Variants in BTRC observed in about 807,000 individuals in gnomAD.
BTRC encodes F-box/WD repeat-containing protein 1A.
Under a neutral mutation model 85.5 loss-of-function variants are expected in BTRC, and 42 were observed. The ratio of observed to expected loss-of-function variants is 0.49; its 90% CI spans 0.38 to 0.64. The LOEUF (loss-of-function observed/expected upper bound fraction) is 0.64. Among genes scored for constraint, BTRC ranks in the 30% least tolerant of loss-of-function variants. The probability of loss-of-function intolerance (pLI) is 0.00; values close to 1 mark genes in which losing one functional copy is unlikely to be tolerated. For synonymous variants in BTRC, 255 were observed against 263.3 expected, an observed-to-expected ratio of 0.97 and a Z score of 0.30; for missense variants, 594 against 743.5, an observed-to-expected ratio of 0.80 and a Z score of 2.34.
upstream of BTRC, chr10:101,354,056 G>A (rs1465666858): frequency 5.2e-6 from 6 of 1,147,960 alleles, no homozygotes; most frequent in East Asian, 1.6e-4. Context: ...CCCTCAGCCT[G>A]CGCCTGAGAG....
At chr10:101,377,328 G>T (rs934093401) in intron 1 of BTRC, among the ~76,000 whole-genome samples, 1 of 152,192 alleles carries the variant, frequency 6.6e-6, no homozygotes, top group African/African-American at 2.4e-5. Context: ...TCTGGTTTTG[G>T]TGATTATAAA....
rs755481178 is a variant in BTRC, at chr10:101,549,713, CAAAAAA to C, written c.1657-968_1657-963del. Among the ~76,000 whole-genome samples the C allele has an allele frequency of 8.7e-4, 37 of 42,768 alleles. 2 individuals are homozygous for C. Among genetic ancestry groups the C allele is most frequent in the East Asian group, 3.8e-3 (3 of 792 alleles). 28.1% of individuals were successfully genotyped at this position (42,768 alleles called of 152,430 possible). A position where few individuals can be genotyped will look rare whatever the true frequency, so the allele number is the denominator to read the frequency against. On this transcript the variant is annotated intron_variant, in intron 13 of 14. Transcript: ENST00000370187. ...GGGGCGAAAGAGCGAGACTCTGTCTCAAAAAAAAAAAAAAAAAAAAAAAGATGATGA... is the reference window on the plus strand; with the variant it reads ...GGGGCGAAAGAGCGAGACTCTGTCTCAAAAAAAAAAAAAAAAAGATGATGA...
At position 101,556,868 on chromosome 10, in the gene BTRC, A is replaced by T. The variant is rs547416858; in HGVS notation, c.*3745A>T. ...GCACAGCTGGCGCTCTTAGCTCCTG[A>T]TTGGTTGTGTGTTTTATTAAGGATC... On this transcript the variant is annotated 3_prime_UTR_variant, in exon 15 of 15. Transcript: ENST00000370187. The T allele has an allele frequency of 3.3e-5, 5 of 152,314 alleles. 1 individual carries two copies. The South Asian group carries it at 8.3e-4, about 25-fold the overall frequency. The allele number at this position is 152,314 out of a possible 1,614,324, so 9.4% of individuals were successfully genotyped here.
intron 14 of BTRC, among the ~76,000 whole-genome samples, chr10:101,552,647 C>T (rs1047210746): frequency 6.6e-6 from 1 of 152,174 alleles, no homozygotes; most frequent in African/African-American, 2.4e-5. Context: ...AGCTGCCATC[C>T]ACACAGCTGT....
chr10:101,529,452 A>C (rs942920064), intron 6 of BTRC, among the ~76,000 whole-genome samples: 3 of 152,224 alleles, frequency 2.0e-5, no homozygotes, highest in Non-Finnish European at 2.9e-5. Context: ...GAGAAACAAT[A>C]AAGTAGTTAA....
chr10:101,473,503 A>G (rs1472681438), intron 3 of BTRC, among the ~76,000 whole-genome samples: 3 of 138,520 alleles, frequency 2.2e-5, no homozygotes, highest in East Asian at 2.1e-4. Context: ...CAGAATCTCA[A>G]TCTGTTGCCC....
intron 2 of BTRC, among the ~76,000 whole-genome samples, chr10:101,436,970 C>T (rs532432696): frequency 7.2e-5 from 11 of 152,162 alleles, no homozygotes; most frequent in African/African-American, 2.4e-4. Context: ...TATGGATTAT[C>T]GAATTGAATA....
At chr10:101,490,220 A>G (rs1272295705) in intron 4 of BTRC, among the ~76,000 whole-genome samples, 1 of 135,784 alleles carries the variant, frequency 7.4e-6, no homozygotes, top group African/African-American at 2.8e-5. Flanking sequence ...TCCCTCCCTC[A>G]CTCCCTCCTT....
At chr10:101,450,419 C>T (rs1944929948) in intron 2 of BTRC, among the ~76,000 whole-genome samples, 1 of 152,172 alleles carries the variant, frequency 6.6e-6, no homozygotes, top group Non-Finnish European at 1.5e-5. Context: ...ACTGCTCATT[C>T]ATGCCCTTGC....
intron 1 of BTRC, among the ~76,000 whole-genome samples, chr10:101,402,714 C>T (rs1220063355): frequency 3.3e-5 from 5 of 152,170 alleles, no homozygotes; most frequent in Admixed American, 6.5e-5. Flanking sequence ...ATTAAGTGAA[C>T]TTCTCAAAGT....
At chr10:101,385,615 C>CTTTTTTTTTTTTTTTTTTTTTTTTTTTTT (rs146804594) in intron 1 of BTRC, among the ~76,000 whole-genome samples, 17 of 48,890 alleles carry the variant, frequency 3.5e-4, no homozygotes, top group African/African-American at 6.0e-4. Flanking sequence ...CTTTCTTCTT[C>CTTTTTTTTTTTTTTTTTTTTTTTTTTTTT]TTCTTTTTTT....
At chr10:101,366,792 TTAC>T in intron 1 of BTRC, among the ~76,000 whole-genome samples, 1 of 88,098 alleles carries the variant, frequency 1.1e-5, no homozygotes, top group African/African-American at 4.2e-5. Flanking sequence ...ATATATATTT[TTAC>T]ATTTATATAT....
chr10:101,368,015 T>G (rs773677334), intron 1 of BTRC, among the ~76,000 whole-genome samples: 2 of 152,208 alleles, frequency 1.3e-5, no homozygotes, highest in Non-Finnish European at 2.9e-5. Flanking sequence ...TGCTATGGTT[T>G]GAATATAGCT....
At chr10:101,455,366 A>C (rs1945049661) in intron 2 of BTRC, among the ~76,000 whole-genome samples, 1 of 152,156 alleles carries the variant, frequency 6.6e-6, no homozygotes, top group Non-Finnish European at 1.5e-5. Context: ...CTTTGTGCTG[A>C]ACCTCTGAAA....
At chr10:101,367,032 T>TATTTATATTTATATATA (rs1564730851) in intron 1 of BTRC, among the ~76,000 whole-genome samples, 1 of 52,242 alleles carries the variant, frequency 1.9e-5, no homozygotes, top group South Asian at 4.4e-4. Flanking sequence ...ATTTATATAT[T>TATTTATATTTATATATA]TATATATATA....
At chr10:101,498,145 A>G (rs111314792) in intron 4 of BTRC, among the ~76,000 whole-genome samples, 27 of 152,130 alleles carry the variant, frequency 1.8e-4, no homozygotes, top group African/African-American at 6.3e-4. Context: ...GAGCCTTTTA[A>G]CCTGGCTTTC....
At chr10:101,453,140 G>T (rs932193173) in intron 2 of BTRC, among the ~76,000 whole-genome samples, 1 of 152,028 alleles carries the variant, frequency 6.6e-6, no homozygotes, top group African/African-American at 2.4e-5. Context: ...AGCTAAATTA[G>T]CTCCAAGTCA....
chr10:101,501,149 C>G (rs999083934), intron 4 of BTRC, among the ~76,000 whole-genome samples: 3 of 151,182 alleles, frequency 2.0e-5, no homozygotes, highest in Non-Finnish European at 2.9e-5. Flanking sequence ...GTGGAGTACA[C>G]TGCACTCCAG....
chr10:101,549,660 G>C (rs1348705742), intron 13 of BTRC, among the ~76,000 whole-genome samples: 1 of 133,912 alleles, frequency 7.5e-6, no homozygotes, highest in African/African-American at 2.8e-5. Flanking sequence ...CTTGCGGTGA[G>C]CTGAGATGGC....
Sources: gnomAD v4.1 joint callset for allele counts (sites outside exome capture counted in the v4.1 genomes callset) on GRCh38, gnomAD v4.1.1 for gene constraint, MANE v1.5 for transcripts, NCBI Gene and HGNC (gene_info 2026-07-23, HGNC 2026-07-21) for gene names.